The following PPP2R5C variants were observed in gnomAD, a reference collection of about 807,000 sequenced individuals.
PPP2R5C encodes the protein serine/threonine-protein phosphatase 2A 56 kDa regulatory subunit gamma isoform.
Under a neutral mutation model 68.9 loss-of-function variants are expected in PPP2R5C, and 7 were observed. That is an observed-to-expected ratio of 0.10 (90% CI 0.06 to 0.19). The LOEUF (loss-of-function observed/expected upper bound fraction) is 0.19, where lower values mean the gene tolerates loss of function less well. Among genes scored for constraint, PPP2R5C ranks in the 10% least tolerant of loss-of-function variants. PPP2R5C has a pLI of 1.00. For missense variants in PPP2R5C, 348 were observed against 641.3 expected (o/e 0.54, Z 4.94); for synonymous variants, 210 against 222.2 (o/e 0.95, Z 0.49).
intron 9 of PPP2R5C, among the ~76,000 whole-genome samples, chr14:101,902,385 A>G (rs559456975): frequency 1.3e-5 from 2 of 152,172 alleles, no homozygotes; most frequent in Admixed American, 1.3e-4. Context: ...GCTACTTTCT[A>G]CTTTCTTTTC....
intron 2 of PPP2R5C, 48 bp downstream of exon 2, chr14:101,763,018 C>T (rs1426609238): frequency 1.4e-6 from 2 of 1,467,348 alleles, no homozygotes; most frequent in East Asian, 2.5e-5. Context: ...CAGCTTTTAA[C>T]TTCAGGTAGA....
intron 3 of PPP2R5C, among the ~76,000 whole-genome samples, chr14:101,802,828 A>C (rs561321465): frequency 1.7e-4 from 26 of 152,100 alleles, no homozygotes; most frequent in Non-Finnish European, 3.4e-4. Context: ...CGTTTCTCCA[A>C]AGAATATAAT....
chr14:101,922,098 T>C, intron 13 of PPP2R5C: 1 of 985,260 alleles, frequency 1.0e-6, no homozygotes. Flanking sequence ...AGGCCTGTTC[T>C]CCAGGAGAAG....
At chr14:101,876,442 T>C (rs2043787263) in intron 2 of PPP2R5C, among the ~76,000 whole-genome samples, 3 of 151,960 alleles carry the variant, frequency 2.0e-5, no homozygotes, top group Non-Finnish European at 4.4e-5. Context: ...TATCCCTTCA[T>C]GTCTTAAAAT....
chr14:101,853,339 G>A (rs61995289), intron 1 of PPP2R5C, among the ~76,000 whole-genome samples: 7,229 of 151,972 alleles, frequency 0.048, 206 homozygotes, highest in African/African-American at 0.069. Flanking sequence ...TATAATCACA[G>A]GCATATCTGC....
intron 1 of PPP2R5C, among the ~76,000 whole-genome samples, chr14:101,828,523 T>TAC (rs760447729): frequency 2.0e-5 from 3 of 152,038 alleles, no homozygotes; most frequent in Non-Finnish European, 1.5e-5. Flanking sequence ...TGTATGCTTG[T>TAC]ACACACACAC....
At chr14:101,890,128 C>T in intron 5 of PPP2R5C, 109 bp from the exon 8 acceptor site, 1 of 1,016,138 alleles carries the variant, frequency 9.8e-7, no homozygotes, top group Non-Finnish European at 1.5e-6. Flanking sequence ...AGTGTTTGCA[C>T]AAATAGATGC....
rs1227991594 is a variant in PPP2R5C at position 101,906,099 on chromosome 14, G to A, written c.1024-303G>A. Among the ~76,000 whole-genome samples the A allele has an allele frequency of 6.6e-6, 1 of 152,200 alleles. No homozygotes were observed. The highest frequency in any genetic ancestry group is 1.5e-5 in the Non-Finnish European group (1 of 68,038). On this transcript the variant is annotated intron_variant, in intron 9 of 13. Coordinates refer to ENST00000334743, the Ensembl canonical transcript of PPP2R5C. The surrounding 1 kb of genome is among the most constrained non-coding windows in gnomAD (Gnocchi z 4.0). ...GATGGGGGAGGCGGGTGGATAGGTG[G>A]AATGGCCTCCTTTGAGTTGTCTCCT...
chr14:101,813,136 G>T (rs951473484), intron 1 of PPP2R5C, among the ~76,000 whole-genome samples: 10 of 152,308 alleles, frequency 6.6e-5, no homozygotes, highest in Middle Eastern at 3.4e-3. Context: ...GGTCACCTGC[G>T]ACTGCTGAGC....
rs2140031810 is a variant in PPP2R5C at position 101,781,937 on chromosome 14, C to T, written c.94-4081C>T. On this transcript the variant is annotated intron_variant, in intron 2 of 14. Transcript: ENST00000328724. This position sits in a 1 kb window ranked among gnomAD's most constrained non-coding sequence, Gnocchi z 6.4. Reference sequence around the variant, plus strand: ...CTCCCGCTCCCACCTCGTCTGCGCCCACCCGCTCTGGGCAGCTGCTCCCAA... The same window carrying T: ...CTCCCGCTCCCACCTCGTCTGCGCCTACCCGCTCTGGGCAGCTGCTCCCAA... 6.6e-6 allele frequency among the ~76,000 whole-genome samples: 1 copy of T among 151,998 alleles called. No homozygotes were observed. Among genetic ancestry groups the T allele is most frequent in the African/African-American group, 2.4e-5 (1 of 41,444 alleles).
At chr14:101,927,464 C>T (rs1489649270) in exon 14 of PPP2R5C, 1 of 152,582 alleles carries the variant, frequency 6.6e-6, no homozygotes, top group African/African-American at 2.4e-5. Context: ...TATTCTGTAC[C>T]AAACTGATTT....
intron 5 of PPP2R5C, among the ~76,000 whole-genome samples, chr14:101,887,293 C>T (rs2044589118): frequency 6.6e-6 from 1 of 152,208 alleles, no homozygotes; most frequent in Non-Finnish European, 1.5e-5. Flanking sequence ...AGCCATGGGT[C>T]ATGCTCTATC....
intron 2 of PPP2R5C, among the ~76,000 whole-genome samples, chr14:101,777,837 A>G (rs2037500134): frequency 6.6e-6 from 1 of 152,002 alleles, no homozygotes; most frequent in Non-Finnish European, 1.5e-5. Context: ...CGATGGTACA[A>G]TGATGGCTCA....
chr14:101,767,306 T>C (rs1403163649), intron 2 of PPP2R5C, among the ~76,000 whole-genome samples: 1 of 152,222 alleles, frequency 6.6e-6, no homozygotes. Flanking sequence ...TTTTTAGAAA[T>C]TAAAATTGAA....
intron 3 of PPP2R5C, 103 bp downstream of exon 3, chr14:101,786,286 G>T: frequency 1.8e-6 from 2 of 1,107,416 alleles, no homozygotes; most frequent in Non-Finnish European, 1.2e-6. Context: ...TTTGTATTTT[G>T]TGGGGTCATC....
At chr14:101,914,252 GT>G in intron 12 of PPP2R5C, 1 of 452,650 alleles carries the variant, frequency 2.2e-6, no homozygotes, top group Non-Finnish European at 4.4e-6. Flanking sequence ...TCATGTCTGT[GT>G]TGACGCCATC....
In PPP2R5C at chr14:101,821,444, GGTGGGTGGGTGT is replaced by G. The variant is rs758091602; in HGVS notation, c.94+11412_94+11423del. On this transcript the variant is annotated intron_variant, in intron 1 of 13. Coordinates refer to ENST00000334743, the Ensembl canonical transcript of PPP2R5C. ...GACCATTTTCTCCCTGTGGGGGGTG[GGTGGGTGGGTGT>G]GTGTGTGTGTGTGTGTGTGTGTGTG... Among the ~76,000 whole-genome samples the G allele has an allele frequency of 5.9e-3, 773 of 130,160 alleles. 7 individuals are homozygous for G. The highest frequency in any genetic ancestry group is 0.02 in the African/African-American group (731 of 36,404). The allele number at this position is 130,160 out of a possible 152,430, so 85.4% of individuals were successfully genotyped here.
intron 3 of PPP2R5C, 178 bp from the exon 6 acceptor site, chr14:101,883,079 A>G (rs1444851967): frequency 1.8e-6 from 1 of 568,964 alleles, no homozygotes; most frequent in East Asian, 3.0e-5. Context: ...ACCAAATAAA[A>G]TAATTACCAT....
intron 1 of PPP2R5C, among the ~76,000 whole-genome samples, chr14:101,826,612 T>C (rs965835067): frequency 6.6e-6 from 1 of 152,250 alleles, no homozygotes; most frequent in Non-Finnish European, 1.5e-5. Flanking sequence ...TTTGGTATTT[T>C]GGGTCCCTTT....
Sources: allele counts gnomAD v4.1 joint callset (sites outside exome capture counted in the v4.1 genomes callset), GRCh38; gene constraint gnomAD v4.1.1; non-coding constraint Gnocchi (gnomAD v3.1); transcripts MANE v1.5; gene names NCBI Gene and HGNC (gene_info 2026-07-23, HGNC 2026-07-21).